ASNS: variants seen among roughly 807,000 people sequenced by gnomAD.
ASNS encodes the protein asparagine synthetase [glutamine-hydrolyzing].
Under a neutral mutation model 62.6 loss-of-function variants are expected in ASNS, and 37 were observed. That is an observed-to-expected ratio of 0.59 (90% CI 0.45 to 0.78). The LOEUF (loss-of-function observed/expected upper bound fraction) is 0.78, where lower values mean the gene tolerates loss of function less well. Among genes scored for constraint, ASNS ranks in the 30% least tolerant of loss-of-function variants. ASNS has a pLI of 0.00. For synonymous variants in ASNS, 207 were observed against 237.9 expected, an observed-to-expected ratio of 0.87 and a Z score of 1.19; for missense variants, 520 against 682.4, an observed-to-expected ratio of 0.76 and a Z score of 2.65.
chr7:97,926,714 G>A, the ASNS span, among the ~76,000 whole-genome samples: 1 of 152,192 alleles, frequency 6.6e-6, no homozygotes, highest in Non-Finnish European at 1.5e-5. Flanking sequence ...TCAGATTCAG[G>A]AAACAAGGAT....
the ASNS span, among the ~76,000 whole-genome samples, chr7:97,914,627 G>A: frequency 1.3e-5 from 2 of 152,098 alleles, no homozygotes; most frequent in African/African-American, 4.8e-5. Context: ...ACTACTTGCA[G>A]TTCACCCCAA....
chr7:97,914,818 C>T, the ASNS span, among the ~76,000 whole-genome samples: 33 of 152,296 alleles, frequency 2.2e-4, no homozygotes, highest in South Asian at 2.1e-4. Context: ...CCTCACTAAA[C>T]GCTGGAACTG....
At chr7:97,897,672 A>C in the ASNS span, among the ~76,000 whole-genome samples, 1 of 152,242 alleles carries the variant, frequency 6.6e-6, no homozygotes, top group African/African-American at 2.4e-5. Context: ...GTAAATTAGT[A>C]CAGCCATTAT....
upstream of ASNS, chr7:97,872,576 C>G (rs72615155): frequency 6.6e-6 from 1 of 152,378 alleles, no homozygotes; most frequent in South Asian, 2.1e-4. Flanking sequence ...AGGAGGAGCT[C>G]TTTTGTTTCC....
chr7:97,900,628 G>A, the ASNS span, among the ~76,000 whole-genome samples: 5 of 152,306 alleles, frequency 3.3e-5, no homozygotes, highest in African/African-American at 1.2e-4. Context: ...AGGCAGAAAT[G>A]CTGCCATGAG....
the ASNS span, among the ~76,000 whole-genome samples, chr7:97,877,617 A>T: frequency 6.6e-6 from 1 of 152,122 alleles, no homozygotes; most frequent in East Asian, 1.9e-4. Context: ...ACTGAATTCA[A>T]TTTCTTGCAA....
the ASNS span, chr7:97,898,760 A>G: frequency 3.7e-5 from 25 of 676,182 alleles, no homozygotes; most frequent in African/African-American, 4.1e-4. Flanking sequence ...ATGAGCTTCA[A>G]TCATTGTTGA....
At chr7:97,907,358 GA>G in the ASNS span, among the ~76,000 whole-genome samples, 3 of 152,192 alleles carry the variant, frequency 2.0e-5, no homozygotes, top group African/African-American at 7.2e-5. Flanking sequence ...GAGTATAAAA[GA>G]AGTCTTCTTT....
intron 8 of ASNS, among the ~76,000 whole-genome samples, chr7:97,855,925 T>C (rs1255522036): frequency 6.6e-6 from 1 of 152,238 alleles, no homozygotes; most frequent in African/African-American, 2.4e-5. Context: ...TTATTAAACT[T>C]GCCTCCTTGG....
At chr7:97,857,659 T>A (rs77052755) in intron 7 of ASNS, among the ~76,000 whole-genome samples, 135 of 151,818 alleles carry the variant, frequency 8.9e-4, no homozygotes, top group Middle Eastern at 3.4e-3. Context: ...CCCGTTTTTT[T>A]AATTTTTCAA....
At chr7:97,890,825 G>A in the ASNS span, among the ~76,000 whole-genome samples, 1 of 152,192 alleles carries the variant, frequency 6.6e-6, no homozygotes, top group Non-Finnish European at 1.5e-5. Flanking sequence ...TGTCTTGTTT[G>A]TTGTGGTCCT....
chr7:97,912,637 C>T, the ASNS span, among the ~76,000 whole-genome samples: 436 of 128,282 alleles, frequency 3.4e-3, 4 homozygotes, highest in Non-Finnish European at 5.4e-3. Context: ...GGCTGGAGTG[C>T]GGTGGTGCCA....
chr7:97,872,088 C>G (rs992718983), intron 1 of ASNS: 4 of 152,288 alleles, frequency 2.6e-5, no homozygotes, highest in Non-Finnish European at 4.4e-5. Flanking sequence ...TCCGGCCTGC[C>G]GGCCGCGGTT....
chr7:97,924,198 G>C, the ASNS span, among the ~76,000 whole-genome samples: 1 of 152,128 alleles, frequency 6.6e-6, no homozygotes. Context: ...TGTCCAGTGT[G>C]TACCCTGCCC....
At chr7:97,858,495 A>G in intron 6 of ASNS, 90 bp from the exon 7 acceptor site, 1 of 1,490,812 alleles carries the variant, frequency 6.7e-7, no homozygotes, top group Non-Finnish European at 9.1e-7. Flanking sequence ...AAACACCAAG[A>G]TCATAGTTTT....
At chr7:97,895,821 C>T in the ASNS span, among the ~76,000 whole-genome samples, 3 of 151,974 alleles carry the variant, frequency 2.0e-5, no homozygotes, top group East Asian at 1.9e-4. Context: ...TTTTTAAAAA[C>T]GGATGTATAA....
chr7:97,899,967 A>C, the ASNS span, among the ~76,000 whole-genome samples: 1 of 152,248 alleles, frequency 6.6e-6, no homozygotes, highest in Non-Finnish European at 1.5e-5. Flanking sequence ...GCCAATAAGC[A>C]CATGAAAAGA....
chr7:97,875,114 C>T (rs1372231070), upstream of ASNS, among the ~76,000 whole-genome samples: 14 of 152,220 alleles, frequency 9.2e-5, no homozygotes, highest in Admixed American at 2.0e-4. Context: ...GCAGTAACGA[C>T]AATCCCCAAA....
chr7:97,874,653 C>T (rs1238607074), upstream of ASNS, among the ~76,000 whole-genome samples: 1 of 152,246 alleles, frequency 6.6e-6, no homozygotes, highest in Non-Finnish European at 1.5e-5. Context: ...CAGCTGGTCC[C>T]TCCGTTTGGG....
Sources: gnomAD v4.1 joint callset for allele counts (sites outside exome capture counted in the v4.1 genomes callset) on GRCh38, gnomAD v4.1.1 for gene constraint, MANE v1.5 for transcripts, NCBI Gene and HGNC (gene_info 2026-07-23, HGNC 2026-07-21) for gene names.